Variants in CACNA2D1 observed in about 807,000 individuals in gnomAD.
The protein encoded by CACNA2D1 is voltage-dependent calcium channel subunit alpha-2/delta-1.
CACNA2D1 carries 53 observed loss-of-function variants against 171.5 expected under a neutral mutation model. The observed-to-expected ratio is 0.31, with a 90% CI of 0.25 to 0.39. The LOEUF is 0.39. Among genes scored for constraint, CACNA2D1 ranks in the 10% least tolerant of loss-of-function variants. The probability of loss-of-function intolerance (pLI) is 1.00; values close to 1 mark genes in which losing one functional copy is unlikely to be tolerated. For synonymous variants in CACNA2D1, 442 were observed against 443.1 expected (o/e 1.00, Z 0.03); for missense variants, 903 against 1,299.8 (o/e 0.69, Z 4.69).
At chr7:81,984,217 T>C (rs1796727720) in intron 22 of CACNA2D1, among the ~76,000 whole-genome samples, 1 of 151,958 alleles carries the variant, frequency 6.6e-6, no homozygotes. Flanking sequence ...GCAAAATAAA[T>C]AAATAAATAA....
chr7:82,085,322 G>A (rs1361168931), intron 6 of CACNA2D1, among the ~76,000 whole-genome samples: 12 of 151,992 alleles, frequency 7.9e-5, no homozygotes, highest in Admixed American at 7.9e-4. Flanking sequence ...CTGTCAGATG[G>A]CCCCTGCGGG....
At chr7:82,135,948 A>C (rs1791551875) in intron 5 of CACNA2D1, among the ~76,000 whole-genome samples, 2 of 152,158 alleles carry the variant, frequency 1.3e-5, no homozygotes, top group Admixed American at 1.3e-4. Flanking sequence ...TAAGAGTCAA[A>C]TACAAGAATT....
chr7:81,979,277 T>G lies in CACNA2D1; in HGVS notation c.1955+3290A>C, dbSNP rs953987103. 2.0e-4 allele frequency among the ~76,000 whole-genome samples: 30 copies of G among 151,676 alleles called. 1 individual carries two copies. Among genetic ancestry groups the G allele is most frequent in the Admixed American group, 1.1e-3 (17 of 15,150 alleles). On this transcript the variant is annotated intron_variant, in intron 24 of 38. Transcript: ENST00000356860. The stretch of plus-strand genomic sequence containing the variant: ...CTCTAGTGATAGTTGTACATATATG[T>G]AAATATATTTTAAAACTTTGAATTG...
intron 1 of CACNA2D1, among the ~76,000 whole-genome samples, chr7:82,380,706 T>G (rs1823597996): frequency 6.6e-6 from 1 of 152,098 alleles, no homozygotes; most frequent in Non-Finnish European, 1.5e-5. Flanking sequence ...ATGTGTGTGT[T>G]TGTTTTGAGA....
At chr7:81,969,794 A>G (rs968526066) in intron 28 of CACNA2D1, 87 bp downstream of exon 28, 28 of 754,916 alleles carry the variant, frequency 3.7e-5, no homozygotes, top group Admixed American at 2.9e-4. Context: ...TTAACATAAA[A>G]TGTAGTGATT....
At chr7:82,354,465 A>G (rs577192623) in intron 1 of CACNA2D1, among the ~76,000 whole-genome samples, 1 of 152,306 alleles carries the variant, frequency 6.6e-6, no homozygotes, top group East Asian at 1.9e-4. Context: ...AGAAGAGAGG[A>G]TAATTCTTCT....
intron 18 of CACNA2D1, among the ~76,000 whole-genome samples, chr7:82,002,031 A>G (rs1407065872): frequency 6.7e-6 from 1 of 150,130 alleles, no homozygotes; most frequent in Non-Finnish European, 1.5e-5. Context: ...CAAAAAAAAA[A>G]AAAAAAAAAA....
chr7:82,351,014 T>C (rs1232444364), intron 1 of CACNA2D1, among the ~76,000 whole-genome samples: 2 of 152,204 alleles, frequency 1.3e-5, no homozygotes, highest in Non-Finnish European at 2.9e-5. Flanking sequence ...ATTAAAATCA[T>C]TTAACTTGTA....
chr7:82,345,702 G>GTGTA, intron 2 of CACNA2D1, among the ~76,000 whole-genome samples: 1 of 151,888 alleles, frequency 6.6e-6, no homozygotes, highest in South Asian at 2.1e-4. Flanking sequence ...GTGTGTGTGT[G>GTGTA]TGTGTGTGTG....
At chr7:82,358,721 C>T (rs114376664) in intron 1 of CACNA2D1, among the ~76,000 whole-genome samples, 1,835 of 151,372 alleles carry the variant, frequency 0.012, 44 homozygotes, top group African/African-American at 0.042. Flanking sequence ...TGTGAGTGTG[C>T]AGTTAATCCA....
chr7:82,035,314 T>A (rs1024217491), intron 11 of CACNA2D1, among the ~76,000 whole-genome samples: 54 of 150,832 alleles, frequency 3.6e-4, no homozygotes, highest in African/African-American at 1.2e-3. Context: ...AATACTTGCT[T>A]CAGTGATCTT....
At chr7:82,183,608 T>A (rs989338881) in intron 3 of CACNA2D1, among the ~76,000 whole-genome samples, 1 of 152,144 alleles carries the variant, frequency 6.6e-6, no homozygotes, top group African/African-American at 2.4e-5. Flanking sequence ...TTTCACAGAA[T>A]TTTTTAGGAA....
chr7:82,285,319 C>T (rs986875115), intron 3 of CACNA2D1, among the ~76,000 whole-genome samples: 2 of 152,044 alleles, frequency 1.3e-5, no homozygotes, highest in African/African-American at 2.4e-5. Flanking sequence ...TCAATCAGGC[C>T]CCAAATCCTT....
At chr7:81,977,240 A>T (rs1489735302) in intron 24 of CACNA2D1, among the ~76,000 whole-genome samples, 1 of 152,128 alleles carries the variant, frequency 6.6e-6, no homozygotes, top group Non-Finnish European at 1.5e-5. Flanking sequence ...TACCTAGTTT[A>T]TTATGAGTTT....
At chr7:82,169,189 C>G (rs775644782) in intron 4 of CACNA2D1, among the ~76,000 whole-genome samples, 6 of 151,942 alleles carry the variant, frequency 3.9e-5, no homozygotes, top group Non-Finnish European at 8.8e-5. Context: ...ATATTGTAAG[C>G]CTCTTCATTC....
At chr7:82,114,236 T>C (rs1000776786) in intron 6 of CACNA2D1, among the ~76,000 whole-genome samples, 1 of 152,304 alleles carries the variant, frequency 6.6e-6, no homozygotes, top group Non-Finnish European at 1.5e-5. Context: ...TGAGTCAGAT[T>C]TCATATTTGT....
intron 4 of CACNA2D1, among the ~76,000 whole-genome samples, chr7:82,155,668 G>T (rs917130975): frequency 6.6e-6 from 1 of 152,136 alleles, no homozygotes; most frequent in Non-Finnish European, 1.5e-5. Context: ...AGCTAGATTT[G>T]ACTCTAAAGT....
chr7:82,443,801 T>G (rs896670849), upstream of CACNA2D1: 5 of 907,690 alleles, frequency 5.5e-6, no homozygotes, highest in Non-Finnish European at 7.2e-6. Flanking sequence ...TCCTCCCTGA[T>G]TTATTCCCCC....
chr7:82,425,583 CGAGGCTGGAGT>C (rs1829098450), intron 1 of CACNA2D1, among the ~76,000 whole-genome samples: 1 of 149,216 alleles, frequency 6.7e-6, no homozygotes, highest in Non-Finnish European at 1.5e-5. Flanking sequence ...GCTCTGTTGC[CGAGGCTGGAGT>C]GCGGCTGCTG....
Sources: allele counts gnomAD v4.1 joint callset (sites outside exome capture counted in the v4.1 genomes callset), GRCh38; gene constraint gnomAD v4.1.1; transcripts MANE v1.5; gene names NCBI Gene and HGNC (gene_info 2026-07-23, HGNC 2026-07-21).